COPB1: variants seen among roughly 807,000 people sequenced by gnomAD.
COPB1 encodes coatomer subunit beta.
COPB1 carries 21 observed loss-of-function variants against 108.7 expected under a neutral mutation model. That is an observed-to-expected ratio of 0.19 (90% CI 0.14 to 0.28). COPB1 has a LOEUF of 0.28. Among genes scored for constraint, COPB1 ranks in the 10% least tolerant of loss-of-function variants. The pLI is 1.00. For missense variants in COPB1, 919 were observed against 1,141.3 expected, an observed-to-expected ratio of 0.81 and a Z score of 2.81; for synonymous variants, 378 against 386.8, an observed-to-expected ratio of 0.98 and a Z score of 0.27.
chr11:14,498,942 A>G lies in COPB1; in HGVS notation c.-14T>C, dbSNP rs763656625. The G allele has an allele frequency of 2.5e-6, 4 of 1,593,854 alleles. No homozygotes were observed. In the Admixed American group the frequency reaches 7.0e-5, roughly 28 times the overall value. ...AGCCGCCGTCATGGTTTCTGGTTAT[A>G]TTATAACCAATCCTTGACACAAGAT... On this transcript the variant is annotated 5_prime_UTR_variant, in exon 2 of 22. Coordinates refer to ENST00000439561, the MANE Select transcript of COPB1 (RefSeq NM_001144061.2).
chr11:14,458,956 C>T (rs1377387177), intron 20 of COPB1, among the ~76,000 whole-genome samples: 1 of 152,048 alleles, frequency 6.6e-6, no homozygotes, highest in African/African-American at 2.4e-5. Context: ...TTAGTAGAGA[C>T]AGGGTTTCAC....
At chr11:14,480,599 C>T (rs757752527) in intron 10 of COPB1, among the ~76,000 whole-genome samples, 160 bp downstream of exon 10, 11 of 151,986 alleles carry the variant, frequency 7.2e-5, no homozygotes, top group Non-Finnish European at 1.3e-4. Flanking sequence ...TCAGTCCTCA[C>T]CCTTCTGAGT....
In COPB1 at chr11:14,466,414, T is replaced by A; in HGVS notation, c.2158A>T (p.Thr720Ser). 6.2e-7 allele frequency: 1 copy of A among 1,611,124 alleles called. No homozygotes were observed. Among genetic ancestry groups the A allele is most frequent in the African/African-American group, 1.3e-5 (1 of 74,970 alleles). ...ASKLNKVTQL[T>S]GFSDPVYAEA... ...GCATATACAGGATCTGAGAAACCTGTCAATTGGGTGACCTGTCAAAACAAA... is the reference window on the plus strand; with the variant it reads ...GCATATACAGGATCTGAGAAACCTGACAATTGGGTGACCTGTCAAAACAAA... The change falls in exon 17 of 22, where the codon ACA (threonine) becomes TCA (serine). Residue 720 changes from threonine (T) to serine (S), a missense_variant. Physicochemically the swap from Thr to Ser is moderately conservative, Grantham distance 58 (BLOSUM62 1). Coordinates refer to ENST00000439561, the MANE Select transcript of COPB1 (RefSeq NM_001144061.2).
intron 16 of COPB1, among the ~76,000 whole-genome samples, 186 bp downstream of exon 16, chr11:14,468,495 T>C (rs1222863011): frequency 1.3e-5 from 2 of 152,212 alleles, no homozygotes; most frequent in African/African-American, 4.8e-5. Context: ...AACCATCTGA[T>C]GGACTTACAG....
chr11:14,459,470 TC>T (rs1850097144), intron 20 of COPB1, among the ~76,000 whole-genome samples: 3 of 150,668 alleles, frequency 2.0e-5, no homozygotes, highest in Admixed American at 1.3e-4. Flanking sequence ...TTTTTCTTTC[TC>T]TCTCGTTTTT....
intron 11 of COPB1, 116 bp downstream of exon 11, chr11:14,479,453 T>G: frequency 1.1e-6 from 1 of 926,048 alleles, no homozygotes; most frequent in African/African-American, 1.7e-5. Context: ...TGTACAAACT[T>G]GTCTTATTTT....
chr11:14,495,299 T>C (rs960046028), intron 2 of COPB1, among the ~76,000 whole-genome samples: 4 of 152,178 alleles, frequency 2.6e-5, no homozygotes, highest in African/African-American at 9.7e-5. Flanking sequence ...AAATGAATTA[T>C]CTTGGGAAGG....
intron 14 of COPB1, 162 bp downstream of exon 14, chr11:14,474,333 T>C (rs1331383590): frequency 3.9e-6 from 2 of 515,010 alleles, no homozygotes; most frequent in Non-Finnish European, 3.2e-6. Context: ...AGATACTTTA[T>C]CAATTTTAGA....
intron 6 of COPB1, among the ~76,000 whole-genome samples, chr11:14,486,841 GA>G (rs1293630276): frequency 6.6e-6 from 1 of 152,056 alleles, no homozygotes; most frequent in Non-Finnish European, 1.5e-5. Context: ...AAGGTTTTCT[GA>G]TGACTTAAAA....
In COPB1 at chr11:14,466,364, T is replaced by G; in HGVS notation, c.2208A>C (p.Gln736His). The G allele has an allele frequency of 6.2e-7, 1 of 1,613,528 alleles. No homozygotes were observed. The highest frequency in any genetic ancestry group is 8.5e-7 in the Non-Finnish European group (1 of 1,179,780). ...CAAGTACATCCAGGACAATATCATA[T>G]TGGTTGACATGAACGTAAGCTTCTG... is the stretch of plus-strand genomic sequence containing the variant. ...VYAEAYVHVNQYDIVLDVLVV... is the reference protein window; with the variant it reads ...VYAEAYVHVNHYDIVLDVLVV... Residue 736 changes from glutamine (Q) to histidine (H), a missense_variant, in exon 17 of 22, where the codon CAA becomes CAC. Physicochemically the swap from Gln to His is conservative, Grantham distance 24 (BLOSUM62 0). Around this residue, in one of 5 missense-constraint regions of COPB1, gnomAD observed 705 missense variants for 817.8 expected, o/e 0.86. Coordinates refer to ENST00000439561, the MANE Select transcript of COPB1 (RefSeq NM_001144061.2).
rs905518684 is a variant in COPB1, at chr11:14,486,292, G to A, written c.837+75C>T. The A allele has an allele frequency of 2.6e-6, 4 of 1,522,390 alleles. No homozygotes were observed. The African/African-American group carries it at 5.5e-5, about 21-fold the overall frequency. The allele number at this position is 1,522,390 out of a possible 1,614,324, so 94.3% of individuals were successfully genotyped here. A position where few individuals can be genotyped will look rare whatever the true frequency, so the allele number is the denominator to read the frequency against. ...GTGCCATGTAACCACATAGTGAATT[G>A]AAATGTCACTAAATCATGAGTGCTA... On this transcript the variant is annotated intron_variant, in intron 7 of 21. Coordinates refer to ENST00000439561, the MANE Select transcript of COPB1 (RefSeq NM_001144061.2).
Position 14,468,017 on chromosome 11 carries a change from A to G in COPB1, c.2145+664T>C, listed in dbSNP as rs2134099444. On this transcript the variant is annotated intron_variant, in intron 16 of 21. Transcript: ENST00000439561. Reference sequence around the variant, plus strand: ...TAATGCCACAGAACTGTACACTTACAAATGGGTTAAAATGGCAAATCTTTT... The same window carrying G: ...TAATGCCACAGAACTGTACACTTACGAATGGGTTAAAATGGCAAATCTTTT... Among the ~76,000 whole-genome samples the G allele has an allele frequency of 2.0e-5, 3 of 152,328 alleles. No individual in the cohort carries two copies. The South Asian group carries it at 6.2e-4, about 32-fold the overall frequency.
intron 5 of COPB1, 126 bp from the exon 6 acceptor site, chr11:14,488,710 T>C (rs1850828984): frequency 9.2e-6 from 4 of 433,468 alleles, no homozygotes; most frequent in Non-Finnish European, 1.6e-5. Flanking sequence ...CAAAGAGAAA[T>C]TAACTGGGAA....
At position 14,466,212 on chromosome 11, in the gene COPB1, G is replaced by A; in HGVS notation, c.2290+70C>T. On this transcript the variant is annotated intron_variant, in intron 17 of 21. Coordinates refer to ENST00000439561, the MANE Select transcript of COPB1 (RefSeq NM_001144061.2). ...AGAGAATTTTTATACTGAAACCTGT[G>A]CACCTCCCTTAATCTGTCATAAAGA... 6 of 1,414,108 alleles carry A rather than the reference G, an allele frequency of 4.2e-6. 1 individual carries two copies. The highest frequency in any genetic ancestry group is 2.0e-4 in the Middle Eastern group (1 of 5,112). 87.6% of individuals were successfully genotyped at this position (1,414,108 alleles called of 1,614,324 possible).
At chr11:14,477,399 A>AAAAAAAAAAAAAAAAAC (rs1237475173) in intron 11 of COPB1, among the ~76,000 whole-genome samples, 1 of 148,746 alleles carries the variant, frequency 6.7e-6, no homozygotes, top group Non-Finnish European at 1.5e-5. Flanking sequence ...CAAAAAAAAA[A>AAAAAAAAAAAAAAAAAC]AAAAAACAAG....
intron 6 of COPB1, among the ~76,000 whole-genome samples, chr11:14,486,979 C>T (rs1850788750): frequency 6.6e-6 from 1 of 152,160 alleles, no homozygotes; most frequent in African/African-American, 2.4e-5. Context: ...AATGTTTATT[C>T]TGGATGCCAA....
chr11:14,490,146 G>A (rs533414151), intron 5 of COPB1, among the ~76,000 whole-genome samples: 2 of 152,156 alleles, frequency 1.3e-5, no homozygotes, highest in Non-Finnish European at 1.5e-5. Flanking sequence ...GTTGGCACCC[G>A]TGTATGAAAG....
Position 14,493,638 on chromosome 11 carries a change from T to C in COPB1, c.491+4A>G. On this transcript the variant is annotated splice_donor_region_variant and intron_variant, in intron 4 of 21. Transcript: ENST00000439561. ...AATGAAGCCAAAGCAGTATCTTTAT[T>C]TACCTATAGATGGTATAGATGGCCA... The C allele has an allele frequency of 6.3e-7, 1 of 1,591,550 alleles. No individual in the cohort carries two copies.
intron 14 of COPB1, among the ~76,000 whole-genome samples, chr11:14,470,476 A>G (rs2134102032): frequency 6.6e-6 from 1 of 152,312 alleles, no homozygotes; most frequent in Admixed American, 6.5e-5. Context: ...TGAAGTCCGT[A>G]TTACTTAGCT....
Sources: allele counts gnomAD v4.1 joint callset (sites outside exome capture counted in the v4.1 genomes callset), GRCh38; gene constraint gnomAD v4.1.1; regional missense constraint gnomAD v4.1.1; transcripts MANE v1.5; gene names NCBI Gene and HGNC (gene_info 2026-07-23, HGNC 2026-07-21).